Variants in ANKS1B observed in about 807,000 individuals in gnomAD.
ANKS1B encodes ankyrin repeat and sterile alpha motif domain containing 1B, also known as ankyrin repeat and sterile alpha motif domain-containing protein 1B.
ANKS1B carries 36 observed loss-of-function variants against 148.3 expected under a neutral mutation model. The ratio of observed to expected loss-of-function variants is 0.24; its 90% CI spans 0.19 to 0.32. The LOEUF (loss-of-function observed/expected upper bound fraction) is 0.32. ANKS1B is among the 10% of genes least tolerant of loss of function. The pLI is 1.00. For missense variants in ANKS1B, 1,157 were observed against 1,542.6 expected (o/e 0.75, Z 4.19); for synonymous variants, 542 against 560.8 (o/e 0.97, Z 0.47).
intron 12 of ANKS1B, among the ~76,000 whole-genome samples, chr12:99,308,650 A>G (rs1029680099): frequency 1.3e-5 from 2 of 151,792 alleles, no homozygotes; most frequent in African/African-American, 4.8e-5. Context: ...TTAAGATCCA[A>G]AAAAAACTTT....
At chr12:99,456,252 G>C (rs916374972) in intron 10 of ANKS1B, among the ~76,000 whole-genome samples, 2 of 152,110 alleles carry the variant, frequency 1.3e-5, no homozygotes, top group Non-Finnish European at 2.9e-5. Flanking sequence ...CACCCCATTA[G>C]ACAAAGAATC....
chr12:99,603,794 AC>A (rs1249059812), intron 9 of ANKS1B, among the ~76,000 whole-genome samples: 3 of 152,116 alleles, frequency 2.0e-5, no homozygotes, highest in Non-Finnish European at 4.4e-5. Context: ...TAAAATAAGA[AC>A]CAGAAAACTT....
At chr12:99,825,153 C>T (rs1451502571) in intron 2 of ANKS1B, among the ~76,000 whole-genome samples, 156 bp downstream of exon 2, 1 of 152,180 alleles carries the variant, frequency 6.6e-6, no homozygotes, top group Non-Finnish European at 1.5e-5. Context: ...ACATTCCTAC[C>T]AAGTCTAACT....
chr12:99,443,049 A>C (rs575042412), intron 11 of ANKS1B, among the ~76,000 whole-genome samples: 7 of 152,032 alleles, frequency 4.6e-5, no homozygotes, highest in African/African-American at 1.7e-4. Context: ...GATATTTCTA[A>C]AGCTTGCCTG....
chr12:99,746,341 C>T (rs10860505), intron 8 of ANKS1B, among the ~76,000 whole-genome samples: 26,742 of 152,050 alleles, frequency 0.18, 2,868 homozygotes, highest in East Asian at 0.5. Context: ...AAATGAAATG[C>T]TCATGTATTA....
chr12:98,860,220 A>T (rs1317521127), intron 17 of ANKS1B, among the ~76,000 whole-genome samples: 1 of 152,258 alleles, frequency 6.6e-6, no homozygotes, highest in Non-Finnish European at 1.5e-5. Flanking sequence ...AAACACATAC[A>T]CTGAAATATA....
chr12:99,438,955 T>A lies in ANKS1B; in HGVS notation c.1575+4718A>T, dbSNP rs140734954. 6.0e-3 allele frequency among the ~76,000 whole-genome samples: 916 copies of A among 151,906 alleles called. 10 individuals carry two copies. Among genetic ancestry groups the A allele is most frequent in the African/African-American group, 0.021 (885 of 41,496 alleles). On this transcript the variant is annotated intron_variant, in intron 11 of 26. Transcript: ENST00000683438. ...ATTATAAGATGACATAAAAGAATCC[T>A]ATGGAAGTTATTTTTTAAAAAAGCA...
At chr12:99,090,388 T>C (rs1159443145) in intron 15 of ANKS1B, among the ~76,000 whole-genome samples, 2 of 152,250 alleles carry the variant, frequency 1.3e-5, no homozygotes, top group East Asian at 3.9e-4. Flanking sequence ...ATTCTTAATA[T>C]AAACTTGAGT....
At chr12:99,188,475 C>T (rs11833519) in intron 14 of ANKS1B, among the ~76,000 whole-genome samples, 21,970 of 152,050 alleles carry the variant, frequency 0.14, 4,127 homozygotes, top group African/African-American at 0.43. Context: ...TGCAAAAGAA[C>T]GGAAATCATA....
At chr12:99,884,272 T>G (rs548861968) in intron 1 of ANKS1B, among the ~76,000 whole-genome samples, 30 of 152,156 alleles carry the variant, frequency 2.0e-4, no homozygotes, top group Non-Finnish European at 2.8e-4. Context: ...TTAGCAAGTA[T>G]GCAGAGCCAT....
At chr12:98,767,431 C>A (rs1293148517) in intron 25 of ANKS1B, among the ~76,000 whole-genome samples, 1 of 152,210 alleles carries the variant, frequency 6.6e-6, no homozygotes, top group Non-Finnish European at 1.5e-5. Flanking sequence ...TCCCACCCAC[C>A]CTGCACCACG....
intron 8 of ANKS1B, among the ~76,000 whole-genome samples, chr12:99,679,382 C>T (rs2098600812): frequency 6.6e-6 from 1 of 152,184 alleles, no homozygotes; most frequent in South Asian, 2.1e-4. Context: ...CATCTCGACT[C>T]ACTGCAACCT....
intron 11 of ANKS1B, among the ~76,000 whole-genome samples, chr12:99,405,883 C>A (rs1022730909): frequency 6.9e-6 from 1 of 144,578 alleles, no homozygotes; most frequent in Non-Finnish European, 1.5e-5. Context: ...AAAGAGCAGT[C>A]GTAGCTATAC....
chr12:99,690,914 G>A (rs1275524756), intron 8 of ANKS1B, among the ~76,000 whole-genome samples: 1 of 152,230 alleles, frequency 6.6e-6, no homozygotes, highest in East Asian at 1.9e-4. Context: ...CTAGCAGAGG[G>A]TCTTCATAAG....
intron 25 of ANKS1B, among the ~76,000 whole-genome samples, chr12:98,769,667 G>C (rs1460744282): frequency 6.6e-6 from 1 of 152,020 alleles, no homozygotes; most frequent in Non-Finnish European, 1.5e-5. Flanking sequence ...CACACGTATA[G>C]CTAATAAACT....
intron 12 of ANKS1B, among the ~76,000 whole-genome samples, chr12:99,374,696 C>T (rs1009113805): frequency 1.3e-5 from 2 of 152,184 alleles, no homozygotes; most frequent in African/African-American, 4.8e-5. Flanking sequence ...GAACAAATTA[C>T]AGCAATATAA....
In ANKS1B at chr12:99,294,481, T is replaced by C. The variant is rs528025213; in HGVS notation, c.1757-47617A>G. On this transcript the variant is annotated intron_variant, in intron 12 of 26. Coordinates refer to ENST00000683438, the MANE Select transcript of ANKS1B (RefSeq NM_001352186.2). ...TTGTGGGAGCTAAAATTTAGAACAA[T>C]TGAATCCACGGAGACAGAGAATAGA... 5.3e-4 allele frequency among the ~76,000 whole-genome samples: 80 copies of C among 152,150 alleles called. 1 individual carries two copies. The South Asian group carries it at 0.015, about 29-fold the overall frequency.
At chr12:99,192,669 C>G (rs146338082) in intron 14 of ANKS1B, among the ~76,000 whole-genome samples, 1 of 151,878 alleles carries the variant, frequency 6.6e-6, no homozygotes, top group Non-Finnish European at 1.5e-5. Flanking sequence ...AATTGAAAAA[C>G]GTATACAAAT....
At chr12:99,350,727 T>C (rs183245848) in intron 12 of ANKS1B, among the ~76,000 whole-genome samples, 1 of 152,124 alleles carries the variant, frequency 6.6e-6, no homozygotes, top group Non-Finnish European at 1.5e-5. Flanking sequence ...CATCAACTGA[T>C]GTTTAATATT....
Sources: allele counts gnomAD v4.1 joint callset (sites outside exome capture counted in the v4.1 genomes callset), GRCh38; gene constraint gnomAD v4.1.1; transcripts MANE v1.5; gene names NCBI Gene and HGNC (gene_info 2026-07-23, HGNC 2026-07-21).